Variants in DYNC2H1 observed in about 807,000 individuals in gnomAD.
DYNC2H1 encodes the protein cytoplasmic dynein 2 heavy chain 1.
DYNC2H1 carries 410 observed loss-of-function variants against 570.0 expected under a neutral mutation model. The observed-to-expected ratio is 0.72, with a 90% CI of 0.66 to 0.78. The LOEUF is 0.78. DYNC2H1 is among the 30% of genes least tolerant of loss of function. The probability of loss-of-function intolerance (pLI) is 0.00; values close to 1 mark genes in which losing one functional copy is unlikely to be tolerated. For synonymous variants in DYNC2H1, 1,688 were observed against 1,677.6 expected, an observed-to-expected ratio of 1.01 and a Z score of -0.15; for missense variants, 4,865 against 5,046.4, an observed-to-expected ratio of 0.96 and a Z score of 1.09.
chr11:103,271,023 T>A (rs979638780), intron 70 of DYNC2H1, among the ~76,000 whole-genome samples: 46 of 152,206 alleles, frequency 3.0e-4, no homozygotes, highest in Admixed American at 1.1e-3. Context: ...GCCGCTCACC[T>A]TGCCTCCATT....
intron 6 of DYNC2H1, among the ~76,000 whole-genome samples, chr11:103,119,271 T>G (rs1375138888): frequency 6.6e-6 from 1 of 152,164 alleles, no homozygotes; most frequent in Non-Finnish European, 1.5e-5. Flanking sequence ...CTCAATTTGT[T>G]CAGTTTTTGG....
chr11:103,135,128 G>C (rs1158647543), intron 15 of DYNC2H1, among the ~76,000 whole-genome samples: 1 of 152,016 alleles, frequency 6.6e-6, no homozygotes, highest in East Asian at 1.9e-4. Context: ...AGTGGGAAGG[G>C]AAGAGAAGAG....
At position 103,209,869 on chromosome 11, in the gene DYNC2H1, G is replaced by A. The variant is rs1565398071; in HGVS notation, c.8455-7G>A. ...TCTTTCATAGTGATATTCTTTTTAT[G>A]TTTTAGATACCTGAAATGTTATTCA... On this transcript the variant is annotated splice_polypyrimidine_tract_variant and splice_region_variant and intron_variant, in intron 52 of 88. Transcript: ENST00000375735. The surrounding 1 kb of genome is among the most constrained non-coding windows in gnomAD (Gnocchi z 4.2). 6.8e-7 allele frequency: 1 copy of A among 1,470,230 alleles called. No homozygotes were observed. 91.1% of individuals were successfully genotyped at this position (1,470,230 alleles called of 1,614,324 possible).
intron 83 of DYNC2H1, among the ~76,000 whole-genome samples, chr11:103,365,571 A>C (rs886254021): frequency 6.6e-6 from 1 of 152,170 alleles, no homozygotes; most frequent in African/African-American, 2.4e-5. Context: ...AATAGGGAAA[A>C]GGTGTCAGTT....
chr11:103,479,406 AG>A lies in DYNC2H1; in HGVS notation c.*154del. The A allele has an allele frequency of 1.3e-6, 1 of 756,084 alleles. No individual in the cohort carries two copies. The highest frequency in any genetic ancestry group is 1.8e-5 in the African/African-American group (1 of 56,670). 46.8% of individuals were successfully genotyped at this position (756,084 alleles called of 1,614,324 possible). ...TGTCACTGAAATTTTAATGTGTAAAAGCAGCACTGTGCATCTTTTAAAGTAA... is the reference window on the plus strand; with the variant it reads ...TGTCACTGAAATTTTAATGTGTAAAACAGCACTGTGCATCTTTTAAAGTAA... On this transcript the variant is annotated 3_prime_UTR_variant, in exon 89 of 89. Transcript: ENST00000375735.
Position 103,133,796 on chromosome 11 carries a change from T to C in DYNC2H1, c.2106+89T>C. On this transcript the variant is annotated intron_variant, in intron 14 of 88. Transcript: ENST00000375735. The surrounding 1 kb of genome is among the most constrained non-coding windows in gnomAD (Gnocchi z 4.8). ...CAATTTTTAAAAACTTATTTTGAAA[T>C]AATTTGAGACTTAAAGTTACAAAAA... 7.5e-7 allele frequency: 1 copy of C among 1,336,638 alleles called. No individual in the cohort carries two copies. Among genetic ancestry groups the C allele is most frequent in the Non-Finnish European group, 1.0e-6 (1 of 996,370 alleles). The allele number at this position is 1,336,638 out of a possible 1,614,324, so 82.8% of individuals were successfully genotyped here.
intron 84 of DYNC2H1, among the ~76,000 whole-genome samples, chr11:103,422,977 A>AC (rs1555126772): frequency 1.3e-5 from 2 of 151,758 alleles, no homozygotes; most frequent in Non-Finnish European, 2.9e-5. Flanking sequence ...CCTCTGCAGG[A>AC]TTTTTTTGTA....
intron 59 of DYNC2H1, among the ~76,000 whole-genome samples, chr11:103,226,303 G>A (rs957087342): frequency 5.9e-5 from 9 of 151,752 alleles, no homozygotes; most frequent in Non-Finnish European, 1.3e-4. Flanking sequence ...AGTTCTCATG[G>A]GGAATGCATT....
At chr11:103,368,261 C>G (rs1317196877) in intron 83 of DYNC2H1, among the ~76,000 whole-genome samples, 1 of 152,150 alleles carries the variant, frequency 6.6e-6, no homozygotes, top group Admixed American at 6.5e-5. Context: ...TTTACTAACA[C>G]TTGTTTTCTT....
At chr11:103,379,327 G>T (rs1442195022) in intron 83 of DYNC2H1, among the ~76,000 whole-genome samples, 1 of 152,164 alleles carries the variant, frequency 6.6e-6, no homozygotes, top group Non-Finnish European at 1.5e-5. Flanking sequence ...ACAAGATTTG[G>T]AAGTGGGAGA....
At chr11:103,183,898 A>G in intron 40 of DYNC2H1, among the ~76,000 whole-genome samples, 1 of 152,086 alleles carries the variant, frequency 6.6e-6, no homozygotes, top group East Asian at 1.9e-4. Context: ...TATAAAAAAC[A>G]TGTTAAAGAC....
At position 103,115,227 on chromosome 11, in the gene DYNC2H1, C is replaced by T. The variant is rs566324506; in HGVS notation, c.553C>T (p.Arg185Cys). The T allele has an allele frequency of 8.7e-6, 14 of 1,610,144 alleles. No homozygotes were observed. Among genetic ancestry groups the T allele is most frequent in the Middle Eastern group, 1.6e-4 (1 of 6,076 alleles). Residue 185 changes from arginine to cysteine, a missense_variant, in exon 4 of 89, where the codon CGT becomes TGT. Arg to Cys is a radical substitution (Grantham distance 180). This residue lies in a region of DYNC2H1 where 1,936 missense variants were observed against 1,962.1 expected (regional missense o/e 0.99). Transcript: ENST00000375735. Reference sequence around the variant, plus strand: ...CCAGTTTTGGATAGAACAAGCTCACCGTGGAAATAAACAGATTAGTAAAGA... The same window carrying T: ...CCAGTTTTGGATAGAACAAGCTCACTGTGGAAATAAACAGATTAGTAAAGA... ...EFQFWIEQAH[R>C]GNKQISKERA...
chr11:103,164,007 A>C (rs558943621), intron 30 of DYNC2H1, among the ~76,000 whole-genome samples: 1 of 152,340 alleles, frequency 6.6e-6, no homozygotes, highest in Admixed American at 6.5e-5. Context: ...GGCAAACTGA[A>C]ATGTTTCAAA....
At position 103,233,906 on chromosome 11, in the gene DYNC2H1, T is replaced by C; in HGVS notation, c.9441-128T>C. 2.6e-6 allele frequency: 2 copies of C among 759,508 alleles called. 1 individual carries two copies. The highest frequency in any genetic ancestry group is 4.0e-6 in the Non-Finnish European group (2 of 497,564). 47.0% of individuals were successfully genotyped at this position (759,508 alleles called of 1,614,324 possible). The stretch of plus-strand genomic sequence containing the variant: ...TTTGTCTCTTCTATTAATGATACTT[T>C]GTATGCAAACATTAATAGTATTATC... On this transcript the variant is annotated intron_variant, in intron 60 of 88. Coordinates refer to ENST00000375735, the MANE Select transcript of DYNC2H1 (RefSeq NM_001377.3).
rs11225584 is a variant in DYNC2H1 at position 103,181,829 on chromosome 11, T to C, written c.6420T>C (p.Asn2140=). The C allele has an allele frequency of 0.12, 185,899 of 1,595,920 alleles. 11,614 individuals are homozygous for C. Among genetic ancestry groups the C allele is most frequent in the East Asian group, 0.22 (9,591 of 44,214 alleles). The stretch of plus-strand genomic sequence containing the variant: ...ATCAGCCTGCTGAATATAGAAATAA[T>C]CTTGAAAATTGGATTGGAGATTATT... ...LRNQPAEYRN[N]LENWIGDYFE... Residue 2140 remains asparagine (N), a synonymous_variant, in exon 40 of 89, where the codon AAT becomes AAC. Coordinates refer to ENST00000375735, the MANE Select transcript of DYNC2H1 (RefSeq NM_001377.3). The surrounding 1 kb of genome is among the most constrained non-coding windows in gnomAD (Gnocchi z 5.0).
chr11:103,384,518 C>T (rs1355108698), intron 83 of DYNC2H1, among the ~76,000 whole-genome samples: 1 of 151,940 alleles, frequency 6.6e-6, no homozygotes, highest in South Asian at 2.1e-4. Flanking sequence ...TTTTTTTACT[C>T]ATCTTCCTTT....
chr11:103,324,438 C>T lies in DYNC2H1; in HGVS notation c.12039+448C>T, dbSNP rs1938365776. ...GAACGTGGTATTTGGTTATCTGTTCCTGTGTTAGTTTGCTTATGAAAATGA... is the reference window on the plus strand; with the variant it reads ...GAACGTGGTATTTGGTTATCTGTTCTTGTGTTAGTTTGCTTATGAAAATGA... On this transcript the variant is annotated intron_variant, in intron 82 of 88. Coordinates refer to ENST00000375735, the MANE Select transcript of DYNC2H1 (RefSeq NM_001377.3). This position sits in a 1 kb window ranked among gnomAD's most constrained non-coding sequence, Gnocchi z 5.2. Among the ~76,000 whole-genome samples the T allele has an allele frequency of 6.6e-6, 1 of 152,142 alleles. No individual in the cohort carries two copies. The highest frequency in any genetic ancestry group is 1.9e-4 in the East Asian group (1 of 5,204).
intron 9 of DYNC2H1, 57 bp downstream of exon 9, chr11:103,121,093 T>C (rs1257059648): frequency 4.2e-5 from 48 of 1,141,728 alleles, no homozygotes; most frequent in Non-Finnish European, 5.6e-5. Context: ...TATATTACTT[T>C]TTTCTTCGTT....
At chr11:103,378,159 TTATTAATA>T (rs1555114470) in intron 83 of DYNC2H1, among the ~76,000 whole-genome samples, 2 of 152,172 alleles carry the variant, frequency 1.3e-5, no homozygotes, top group Non-Finnish European at 2.9e-5. Context: ...TTTATAATTG[TTATTAATA>T]TTAAGAATTG....
Sources: gnomAD v4.1 joint callset for allele counts (sites outside exome capture counted in the v4.1 genomes callset) on GRCh38, gnomAD v4.1.1 for gene constraint, gnomAD v4.1.1 regional missense constraint, Gnocchi (gnomAD v3.1) non-coding constraint, MANE v1.5 for transcripts, NCBI Gene and HGNC (gene_info 2026-07-23, HGNC 2026-07-21) for gene names.